Variants in ASB11 observed in about 807,000 individuals in gnomAD.
ASB11 encodes the protein ankyrin repeat and SOCS box protein 11.
ASB11 carries 17 observed loss-of-function variants against 20.1 expected under a neutral mutation model. The ratio of observed to expected loss-of-function variants is 0.85; its 90% CI spans 0.58 to 1.27. The LOEUF (loss-of-function observed/expected upper bound fraction) is 1.27, where lower values mean the gene tolerates loss of function less well. ASB11 is among the 50% of genes most tolerant of loss of function. ASB11 has a pLI of 0.00. For missense variants in ASB11, 259 were observed against 256.9 expected (o/e 1.01, Z -0.06); for synonymous variants, 107 against 105.6 (o/e 1.01, Z -0.08).
intron 1 of ASB11, among the ~76,000 whole-genome samples, chrX:15,309,722 C>G (rs1307036642): frequency 9.1e-6 from 1 of 109,545 alleles, no homozygotes; most frequent in African/African-American, 3.3e-5. Context: ...AATCCCAGCA[C>G]TTTGGGAGAC....
chrX:15,314,714 T>C (rs974173380), intron 1 of ASB11, among the ~76,000 whole-genome samples: 9 of 108,766 alleles, frequency 8.3e-5, no homozygotes, highest in Admixed American at 8.2e-4. Context: ...AATACTCCTC[T>C]ATTAAGTGAC....
At position 15,282,977 on chromosome X, in the gene ASB11, C is replaced by CGTATATATATATACGTATATGTAT. The variant is rs893657034; in HGVS notation, c.*504_*527dup. The CGTATATATATATACGTATATGTAT allele has an allele frequency of 1.4e-4, 14 of 97,596 alleles. No homozygotes were observed. Among genetic ancestry groups the CGTATATATATATACGTATATGTAT allele is most frequent in the Admixed American group, 6.8e-4 (6 of 8,849 alleles). 8.0% of individuals were successfully genotyped at this position (97,596 alleles called of 1,213,427 possible). A position where few individuals can be genotyped will look rare whatever the true frequency, so the allele number is the denominator to read the frequency against. On this transcript the variant is annotated 3_prime_UTR_variant, in exon 7 of 7. Coordinates refer to ENST00000480796, the MANE Select transcript of ASB11 (RefSeq NM_080873.3). Reference sequence around the variant, plus strand: ...GCATGTGTGTGTGTGTATATATATACGTATATATATATACGTATATGTATG... The same window carrying CGTATATATATATACGTATATGTAT: ...GCATGTGTGTGTGTGTATATATATACGTATATATATATACGTATATGTATGTATATATATATACGTATATGTATG...
At chrX:15,313,693 C>A (rs149114115) in intron 1 of ASB11, among the ~76,000 whole-genome samples, 547 of 111,716 alleles carry the variant, frequency 4.9e-3, no homozygotes, top group African/African-American at 0.017. Flanking sequence ...TATTCCAGCT[C>A]CAGATTAAAT....
intron 5 of ASB11, among the ~76,000 whole-genome samples, chrX:15,288,753 T>C (rs1927453996): frequency 9.1e-6 from 1 of 110,094 alleles, no homozygotes; most frequent in African/African-American, 3.3e-5. Flanking sequence ...GGTGTAGTGG[T>C]GTGCGTCTGT....
chrX:15,305,704 A>G (rs773632768), intron 1 of ASB11, among the ~76,000 whole-genome samples: 128 of 111,942 alleles, frequency 1.1e-3, no homozygotes, highest in African/African-American at 3.5e-3. Context: ...ACAAAGAAAA[A>G]CAGATAAAAA....
rs1182861174 is a variant in ASB11 at position 15,302,897 on chromosome X, GGGGAAGAGGA to G, written c.182-100_182-91del. 11 of 842,871 alleles carry G rather than the reference GGGGAAGAGGA, an allele frequency of 1.3e-5. No homozygotes were observed. The African/African-American group carries it at 1.4e-4, about 11-fold the overall frequency. The allele number at this position is 842,871 out of a possible 1,213,427, so 69.5% of individuals were successfully genotyped here. A position where few individuals can be genotyped will look rare whatever the true frequency, so the allele number is the denominator to read the frequency against. ...CCCACCCACTGTGAGAGGAGGTTTGGGGGAAGAGGAGGGAAGAGGAGGGAAGCAGGTATCA... is the reference window on the plus strand; with the variant it reads ...CCCACCCACTGTGAGAGGAGGTTTGGGGGAAGAGGAGGGAAGCAGGTATCA... On this transcript the variant is annotated intron_variant, in intron 1 of 6. Coordinates refer to ENST00000480796, the MANE Select transcript of ASB11 (RefSeq NM_080873.3).
At chrX:15,284,962 G>C (rs1485743938) in intron 6 of ASB11, among the ~76,000 whole-genome samples, 1 of 111,115 alleles carries the variant, frequency 9.0e-6, no homozygotes, top group Admixed American at 9.6e-5. Context: ...GAGATAGAAA[G>C]CTACCTGGAG....
intron 1 of ASB11, among the ~76,000 whole-genome samples, chrX:15,304,533 G>C (rs1921172198): frequency 8.9e-6 from 1 of 112,266 alleles, no homozygotes; most frequent in African/African-American, 3.2e-5. Context: ...TTAGAGAAAT[G>C]TTGATCCCAG....
intron 1 of ASB11, among the ~76,000 whole-genome samples, chrX:15,305,635 A>AGATAGATAGAT (rs913131726): frequency 2.7e-5 from 3 of 111,328 alleles, no homozygotes; most frequent in African/African-American, 9.9e-5. Context: ...ATAGATAGAT[A>AGATAGATAGAT]GATAGAATCA....
intron 6 of ASB11, among the ~76,000 whole-genome samples, chrX:15,285,117 G>C (rs1270647843): frequency 9.4e-6 from 1 of 106,488 alleles, no homozygotes; most frequent in Non-Finnish European, 1.9e-5. Context: ...AGTGAACTCT[G>C]ATGTAGTTGG....
chrX:15,284,570 A>G (rs1927319677), intron 6 of ASB11, among the ~76,000 whole-genome samples: 1 of 111,449 alleles, frequency 9.0e-6, no homozygotes, highest in Admixed American at 9.6e-5. Context: ...CTCAATAGAG[A>G]TCTGCAAGAA....
intron 1 of ASB11, among the ~76,000 whole-genome samples, chrX:15,307,465 C>A (rs889135411): frequency 3.6e-5 from 4 of 112,406 alleles, no homozygotes; most frequent in Non-Finnish European, 7.5e-5. Flanking sequence ...AGAATGTAAT[C>A]TAGGTCCCTT....
chrX:15,297,413 G>A (rs745355699), intron 3 of ASB11, among the ~76,000 whole-genome samples, 161 bp downstream of exon 3: 4 of 112,075 alleles, frequency 3.6e-5, no homozygotes, highest in Non-Finnish European at 7.5e-5. Flanking sequence ...AGGGGGGTAA[G>A]TTGAAGAGAG....
chrX:15,287,809 A>C, intron 6 of ASB11, 72 bp downstream of exon 6: 1 of 1,089,451 alleles, frequency 9.2e-7, no homozygotes, highest in Non-Finnish European at 1.2e-6. Flanking sequence ...AAAGGAAAAA[A>C]TGCTACAGAT....
chrX:15,284,293 C>T (rs1927311171), intron 6 of ASB11, among the ~76,000 whole-genome samples: 1 of 107,088 alleles, frequency 9.3e-6, no homozygotes, highest in Non-Finnish European at 1.9e-5. Context: ...GAAAGTAATA[C>T]ACTGGCCAAG....
chrX:15,293,108 T>A, intron 4 of ASB11, 62 bp downstream of exon 4: 1 of 1,156,790 alleles, frequency 8.6e-7, no homozygotes, highest in South Asian at 2.0e-5. Flanking sequence ...ACTAGACCAT[T>A]GATTCATACA....
At chrX:15,300,833 T>A (rs1158619564) in intron 2 of ASB11, among the ~76,000 whole-genome samples, 2 of 112,125 alleles carry the variant, frequency 1.8e-5, no homozygotes, top group Admixed American at 1.9e-4. Context: ...ATACAAAAAT[T>A]TAAAAAGCCT....
chrX:15,284,130 T>A (rs1263046278), intron 6 of ASB11, among the ~76,000 whole-genome samples: 1 of 106,081 alleles, frequency 9.4e-6, no homozygotes, highest in Admixed American at 1.0e-4. Flanking sequence ...CGGGTGCCTA[T>A]AGTCCCAGCT....
At chrX:15,297,304 C>CA (rs200827560) in intron 3 of ASB11, among the ~76,000 whole-genome samples, 1,629 of 107,651 alleles carry the variant, frequency 0.015, 51 homozygotes, top group African/African-American at 0.054. Flanking sequence ...CAAAACAAAA[C>CA]AAAACAAAAA....
Sources: gnomAD v4.1 joint callset for allele counts (sites outside exome capture counted in the v4.1 genomes callset) on GRCh38, gnomAD v4.1.1 for gene constraint, MANE v1.5 for transcripts, NCBI Gene and HGNC (gene_info 2026-07-23, HGNC 2026-07-21) for gene names.